The following PDE4B variants were observed in gnomAD, a reference collection of about 807,000 sequenced individuals.
PDE4B encodes phosphodiesterase 4B.
In PDE4B, 20 loss-of-function variants were observed where a neutral mutation model predicts 82.2. That is an observed-to-expected ratio of 0.24 (90% CI 0.17 to 0.35). The LOEUF (loss-of-function observed/expected upper bound fraction) is 0.35. Ranked by LOEUF, PDE4B falls within the 10% of genes least tolerant of loss-of-function variation. The pLI, the probability that PDE4B is intolerant of heterozygous loss-of-function variation, is 1.00. For synonymous variants in PDE4B, 320 were observed against 318.9 expected (o/e 1.00, Z -0.04); for missense variants, 655 against 907.2 (o/e 0.72, Z 3.57).
intron 3 of PDE4B, among the ~76,000 whole-genome samples, chr1:66,047,530 G>A (rs1435775528): frequency 1.3e-5 from 2 of 151,896 alleles, no homozygotes; most frequent in African/African-American, 4.8e-5. Flanking sequence ...CCAGCCCAGT[G>A]TTGCTCAGTG....
chr1:65,814,488 C>T (rs558717057), intron 1 of PDE4B, among the ~76,000 whole-genome samples: 4 of 152,078 alleles, frequency 2.6e-5, no homozygotes, highest in Non-Finnish European at 5.9e-5. Context: ...ATAAGTTAAA[C>T]TCATTTAAAA....
chr1:65,976,135 G>A (rs1650395795), intron 3 of PDE4B, among the ~76,000 whole-genome samples: 1 of 152,172 alleles, frequency 6.6e-6, no homozygotes, highest in Admixed American at 6.5e-5. Flanking sequence ...GGGGCTGTAT[G>A]CAGTAAAGCC....
rs72924488 is a variant in PDE4B at position 66,292,149 on chromosome 1, A to G, written c.634+26062A>G. Reference sequence around the variant, plus strand: ...TGAATAGATGTGCTCTAATTGTTTGATTTATTTTCTCTTCTTTTCCTATTA... The same window carrying G: ...TGAATAGATGTGCTCTAATTGTTTGGTTTATTTTCTCTTCTTTTCCTATTA... On this transcript the variant is annotated intron_variant, in intron 7 of 16. Transcript: ENST00000341517. 7.0e-3 allele frequency among the ~76,000 whole-genome samples: 1,073 copies of G among 152,268 alleles called. 14 individuals are homozygous for G. Among genetic ancestry groups the G allele is most frequent in the African/African-American group, 0.025 (1,021 of 41,542 alleles).
At chr1:66,261,836 T>C (rs1654704909) in intron 6 of PDE4B, among the ~76,000 whole-genome samples, 1 of 152,216 alleles carries the variant, frequency 6.6e-6, no homozygotes, top group South Asian at 2.1e-4. Flanking sequence ...AAATATGGCT[T>C]TCATTTAGAG....
At chr1:65,852,107 G>A (rs1300450726) in intron 1 of PDE4B, among the ~76,000 whole-genome samples, 3 of 151,734 alleles carry the variant, frequency 2.0e-5, no homozygotes, top group Admixed American at 2.0e-4. Context: ...TTTAGTGCTG[G>A]ATTCTATTTC....
rs1553133083 is a variant in PDE4B, at chr1:66,017,832, T to TTA, written c.281+98997_281+98998insTA. ...GATAATCCAGTATTAGTGAGATTTT[T>TTA]AAAAAATATATATATATATATTCAA... On this transcript the variant is annotated intron_variant, in intron 3 of 16. Coordinates refer to ENST00000341517, the MANE Select transcript of PDE4B (RefSeq NM_002600.4). Among the ~76,000 whole-genome samples, 43 of 145,852 alleles carry TTA rather than the reference T, an allele frequency of 2.9e-4. No individual in the cohort carries two copies. The East Asian group carries it at 9.8e-3, about 33-fold the overall frequency.
At position 66,073,690 on chromosome 1, in the gene PDE4B, C is replaced by T. The variant is rs111846510; in HGVS notation, c.281+154855C>T. 1.2e-4 allele frequency among the ~76,000 whole-genome samples: 19 copies of T among 152,252 alleles called. 1 individual carries two copies. The highest frequency in any genetic ancestry group is 4.3e-4 in the African/African-American group (18 of 41,560). ...ATAGTAAACCAGATAACATGCTTCT[C>T]TCCAAAGTAAATATAAACTGTATCA... On this transcript the variant is annotated intron_variant, in intron 3 of 16. Coordinates refer to ENST00000341517, the MANE Select transcript of PDE4B (RefSeq NM_002600.4).
At chr1:65,879,298 G>T (rs1407008071) in intron 1 of PDE4B, among the ~76,000 whole-genome samples, 1 of 152,086 alleles carries the variant, frequency 6.6e-6, no homozygotes, top group Non-Finnish European at 1.5e-5. Flanking sequence ...GCAGGTGCAG[G>T]TATGTGCTAT....
At chr1:66,211,943 T>G (rs1650084975) in intron 3 of PDE4B, among the ~76,000 whole-genome samples, 1 of 152,232 alleles carries the variant, frequency 6.6e-6, no homozygotes, top group Non-Finnish European at 1.5e-5. Context: ...AGACCCTGAA[T>G]GCATTTCACA....
intron 7 of PDE4B, among the ~76,000 whole-genome samples, chr1:66,296,620 G>A (rs1657531917): frequency 6.6e-6 from 1 of 152,124 alleles, no homozygotes; most frequent in African/African-American, 2.4e-5. Flanking sequence ...GCTGTGGTTA[G>A]GATTGTGTGA....
chr1:66,280,460 G>A (rs1403739720), intron 7 of PDE4B, among the ~76,000 whole-genome samples: 1 of 152,242 alleles, frequency 6.6e-6, no homozygotes, highest in Admixed American at 6.5e-5. Flanking sequence ...ATCTTTAAAA[G>A]AAGTTAATTT....
intron 3 of PDE4B, among the ~76,000 whole-genome samples, chr1:66,065,469 GCAAAA>G (rs1448949132): frequency 6.6e-6 from 1 of 151,756 alleles, no homozygotes; most frequent in African/African-American, 2.4e-5. Context: ...CCAAAGGCAA[GCAAAA>G]CAAAACAAAA....
intron 3 of PDE4B, among the ~76,000 whole-genome samples, chr1:65,971,895 A>G (rs1175946254): frequency 1.3e-5 from 2 of 152,210 alleles, no homozygotes; most frequent in African/African-American, 4.8e-5. Context: ...ATCATTATCA[A>G]TAATGAAAAA....
chr1:66,141,521 A>G (rs1438741376), intron 3 of PDE4B, among the ~76,000 whole-genome samples: 1 of 151,866 alleles, frequency 6.6e-6, no homozygotes, highest in Non-Finnish European at 1.5e-5. Context: ...CCTCCAGTTT[A>G]GTGGAGGGGA....
chr1:66,098,870 A>G (rs1016608205), intron 3 of PDE4B, among the ~76,000 whole-genome samples: 2 of 152,122 alleles, frequency 1.3e-5, no homozygotes, highest in African/African-American at 4.8e-5. Flanking sequence ...CCATACAAAA[A>G]CATCACACCT....
chr1:66,195,128 G>A (rs1648178344), intron 3 of PDE4B, among the ~76,000 whole-genome samples: 1 of 152,088 alleles, frequency 6.6e-6, no homozygotes, highest in South Asian at 2.1e-4. Flanking sequence ...TGGCCATTTG[G>A]AGTTTAATGC....
rs1491132381 is a variant in PDE4B at position 66,131,637 on chromosome 1, ATT to A, written c.282-115822_282-115821del. 3.9e-5 allele frequency among the ~76,000 whole-genome samples: 5 copies of A among 128,540 alleles called. No homozygotes were observed. The East Asian group carries it at 1.2e-3, about 31-fold the overall frequency. The allele number at this position is 128,540 out of a possible 152,430, so 84.3% of individuals were successfully genotyped here. A position where few individuals can be genotyped will look rare whatever the true frequency, so the allele number is the denominator to read the frequency against. On this transcript the variant is annotated intron_variant, in intron 3 of 16. Coordinates refer to ENST00000341517, the MANE Select transcript of PDE4B (RefSeq NM_002600.4). Reference sequence around the variant, plus strand: ...TATATATATATATATATATATATATATTACTAACCAGGGAAAGGATGATGATT... The same window carrying A: ...TATATATATATATATATATATATATAACTAACCAGGGAAAGGATGATGATT...
At chr1:66,306,925 A>G (rs972721156) in intron 7 of PDE4B, among the ~76,000 whole-genome samples, 1 of 152,074 alleles carries the variant, frequency 6.6e-6, no homozygotes, top group South Asian at 2.1e-4. Flanking sequence ...ACTTTTGTAA[A>G]AGATCGGGGA....
At chr1:66,318,946 G>A (rs1396152240) in intron 7 of PDE4B, among the ~76,000 whole-genome samples, 1 of 152,158 alleles carries the variant, frequency 6.6e-6, no homozygotes, top group Non-Finnish European at 1.5e-5. Flanking sequence ...AGCAAGTCAT[G>A]TCACCTTCAT....
Sources: allele counts gnomAD v4.1 joint callset (sites outside exome capture counted in the v4.1 genomes callset), GRCh38; gene constraint gnomAD v4.1.1; transcripts MANE v1.5; gene names NCBI Gene and HGNC (gene_info 2026-07-23, HGNC 2026-07-21).